The following EDA variants were observed in gnomAD, a reference collection of about 807,000 sequenced individuals.
EDA encodes ectodysplasin-A.
A neutral mutation model predicts 23.6 loss-of-function variants in EDA; 2 were observed. That is an observed-to-expected ratio of 0.08 (90% CI 0.03 to 0.27). The LOEUF is 0.27. Among genes scored for constraint, EDA ranks in the 10% least tolerant of loss-of-function variants. EDA has a pLI of 1.00. For synonymous variants in EDA, 131 were observed against 132.0 expected (o/e 0.99, Z 0.05); for missense variants, 229 against 324.2 (o/e 0.71, Z 2.26).
chrX:69,734,270 G>T (rs1436369968), intron 1 of EDA, among the ~76,000 whole-genome samples: 1 of 110,596 alleles, frequency 9.0e-6, no homozygotes, highest in East Asian at 2.8e-4. Flanking sequence ...AATTTCTGTG[G>T]GGTCAAGAAT....
intron 1 of EDA, among the ~76,000 whole-genome samples, chrX:69,916,657 G>C (rs1021367470): frequency 4.6e-5 from 5 of 109,507 alleles, no homozygotes; most frequent in African/African-American, 1.7e-4. Context: ...CACCCGCCTC[G>C]GCCTCCCAAA....
intron 1 of EDA, among the ~76,000 whole-genome samples, chrX:69,835,321 T>G (rs113506056): frequency 9.0e-6 from 1 of 111,310 alleles, no homozygotes; most frequent in Admixed American, 9.5e-5. Flanking sequence ...CCAACTTGGT[T>G]CCCTTCTCCC....
chrX:69,693,875 A>G (rs1206116529), intron 1 of EDA, among the ~76,000 whole-genome samples: 1 of 111,984 alleles, frequency 8.9e-6, no homozygotes, highest in East Asian at 2.8e-4. Context: ...ATCGGAGAAT[A>G]TAGACTATTA....
chrX:69,934,755 T>C (rs1200429605), intron 1 of EDA, among the ~76,000 whole-genome samples: 1 of 111,819 alleles, frequency 8.9e-6, no homozygotes, highest in African/African-American at 3.2e-5. Context: ...CAAGCATGTA[T>C]CCCTTCTTTG....
intron 1 of EDA, among the ~76,000 whole-genome samples, chrX:69,735,856 GGA>G (rs2147365768): frequency 9.0e-6 from 1 of 111,203 alleles, no homozygotes; most frequent in East Asian, 2.9e-4. Flanking sequence ...GAACAAAAGA[GGA>G]TTGCCCCCAC....
intron 1 of EDA, among the ~76,000 whole-genome samples, chrX:69,622,891 A>G (rs976400472): frequency 1.8e-5 from 2 of 111,788 alleles, no homozygotes; most frequent in African/African-American, 6.5e-5. Context: ...TACAGAAACT[A>G]AGCTTCATTT....
chrX:69,682,644 C>T (rs947409117), intron 1 of EDA, among the ~76,000 whole-genome samples: 63 of 112,143 alleles, frequency 5.6e-4, no homozygotes, highest in Non-Finnish European at 1.0e-3. Flanking sequence ...ACCCCTTGGG[C>T]TTCCCGAGTG....
rs999330056 is a variant in EDA, at chrX:69,631,714, T to C, written c.396+15010T>C. Among the ~76,000 whole-genome samples, 4 of 110,784 alleles carry C rather than the reference T, an allele frequency of 3.6e-5. No individual in the cohort carries two copies. In the Admixed American group the frequency reaches 3.9e-4, roughly 11 times the overall value. On this transcript the variant is annotated intron_variant, in intron 1 of 7. Transcript: ENST00000374552. ...TTATACTTTCCTGTGAAGCCTTTCC[T>C]AATAGCTTAAACCTTAGTAATATTT...
chrX:69,975,819 G>T lies in EDA; in HGVS notation c.502+18687G>T, dbSNP rs188363120. On this transcript the variant is annotated intron_variant, in intron 2 of 7. Coordinates refer to ENST00000374552, the MANE Select transcript of EDA (RefSeq NM_001399.5). ...AATTAAAATAGTTTAGGTTTATTGG[G>T]TTACATAAAAAAAATCTATTAAAAA... 9.8e-3 allele frequency among the ~76,000 whole-genome samples: 1,075 copies of T among 109,719 alleles called. 5 individuals carry two copies. The highest frequency in any genetic ancestry group is 0.019 in the South Asian group (50 of 2,649).
At chrX:69,955,746 G>T (rs1170977285) in intron 1 of EDA, among the ~76,000 whole-genome samples, 2 of 111,636 alleles carry the variant, frequency 1.8e-5, no homozygotes, top group Non-Finnish European at 3.8e-5. Context: ...TGTTTTATCT[G>T]CAAAGTACTA....
At chrX:69,944,352 G>T (rs137862665) in intron 1 of EDA, among the ~76,000 whole-genome samples, 1 of 112,237 alleles carries the variant, frequency 8.9e-6, no homozygotes, top group Non-Finnish European at 1.9e-5. Flanking sequence ...ACCACTGCTG[G>T]TTTTTCAGGG....
At chrX:69,752,226 C>T (rs1017500644) in intron 1 of EDA, among the ~76,000 whole-genome samples, 15 of 111,163 alleles carry the variant, frequency 1.3e-4, no homozygotes, top group Non-Finnish European at 2.6e-4. Context: ...TCATTAATAG[C>T]TGTTATTATT....
At chrX:69,919,270 A>G (rs1393194969) in intron 1 of EDA, among the ~76,000 whole-genome samples, 1 of 112,386 alleles carries the variant, frequency 8.9e-6, no homozygotes, top group Non-Finnish European at 1.9e-5. Flanking sequence ...CCAAGGAGAG[A>G]GGAGAATAAT....
intron 1 of EDA, among the ~76,000 whole-genome samples, chrX:69,789,586 T>G (rs780204373): frequency 1.4e-4 from 16 of 112,159 alleles, no homozygotes; most frequent in Non-Finnish European, 2.4e-4. Flanking sequence ...AAACTCATTG[T>G]CCTTTACTTA....
At chrX:69,781,178 G>T (rs1159092866) in intron 1 of EDA, among the ~76,000 whole-genome samples, 1 of 110,934 alleles carries the variant, frequency 9.0e-6, no homozygotes, top group Non-Finnish European at 1.9e-5. Context: ...TCATCTATTG[G>T]CTATTATTAA....
chrX:69,829,219 C>T (rs957529319), intron 1 of EDA, among the ~76,000 whole-genome samples: 4 of 112,105 alleles, frequency 3.6e-5, no homozygotes, highest in African/African-American at 1.3e-4. Context: ...GCTGTCCACG[C>T]ATAAAGATGG....
At chrX:69,754,571 T>C (rs1427084727) in intron 1 of EDA, among the ~76,000 whole-genome samples, 1 of 111,471 alleles carries the variant, frequency 9.0e-6, no homozygotes, top group African/African-American at 3.3e-5. Context: ...AGTATCTTTG[T>C]GGTGTTCTCT....
At chrX:69,643,819 T>G (rs1480559855) in intron 1 of EDA, among the ~76,000 whole-genome samples, 1 of 112,083 alleles carries the variant, frequency 8.9e-6, no homozygotes. Context: ...TTCAATTTTC[T>G]GCATATGGCT....
At chrX:69,827,995 T>C (rs2016500835) in intron 1 of EDA, among the ~76,000 whole-genome samples, 1 of 110,768 alleles carries the variant, frequency 9.0e-6, no homozygotes, top group Non-Finnish European at 1.9e-5. Context: ...GGGGGGTGCC[T>C]CCCAGTTAGG....
Sources: gnomAD v4.1 joint callset for allele counts (sites outside exome capture counted in the v4.1 genomes callset) on GRCh38, gnomAD v4.1.1 for gene constraint, MANE v1.5 for transcripts, NCBI Gene and HGNC (gene_info 2026-07-23, HGNC 2026-07-21) for gene names.